Variants in FAM135B observed in about 807,000 individuals in gnomAD.
FAM135B encodes family with sequence similarity 135 member B.
A neutral mutation model predicts 127.7 loss-of-function variants in FAM135B; 43 were observed. The observed-to-expected ratio is 0.34, with a 90% CI of 0.26 to 0.43. The LOEUF (loss-of-function observed/expected upper bound fraction) is 0.43. FAM135B is among the 20% of genes least tolerant of loss of function. FAM135B has a pLI of 1.00. For missense variants in FAM135B, 1,558 were observed against 1,725.6 expected (o/e 0.90, Z 1.72); for synonymous variants, 670 against 665.1 (o/e 1.01, Z -0.11).
intron 3 of FAM135B, among the ~76,000 whole-genome samples, chr8:138,291,973 T>C (rs1397446694): frequency 1.3e-5 from 2 of 152,012 alleles, no homozygotes; most frequent in Non-Finnish European, 2.9e-5. Context: ...AAGGAAGAGG[T>C]AAAGTTGTTT....
At chr8:138,353,441 C>G (rs533466032) in intron 2 of FAM135B, among the ~76,000 whole-genome samples, 1 of 152,294 alleles carries the variant, frequency 6.6e-6, no homozygotes, top group South Asian at 2.1e-4. Context: ...CACCTTCTGG[C>G]TCTCACATTT....
At chr8:138,490,780 A>T (rs1289286178) in intron 1 of FAM135B, among the ~76,000 whole-genome samples, 3 of 152,328 alleles carry the variant, frequency 2.0e-5, no homozygotes, top group Middle Eastern at 3.4e-3. Context: ...TGAGAATATG[A>T]CTTAGAGAAT....
chr8:138,323,446 C>A (rs907861422), intron 2 of FAM135B, among the ~76,000 whole-genome samples: 1 of 152,184 alleles, frequency 6.6e-6, no homozygotes, highest in Non-Finnish European at 1.5e-5. Context: ...GACCCTTGGG[C>A]TGTTTGTCTC....
intron 6 of FAM135B, among the ~76,000 whole-genome samples, chr8:138,245,938 C>G (rs1821247161): frequency 6.6e-6 from 1 of 152,128 alleles, no homozygotes. Flanking sequence ...CAATGAAGTC[C>G]AAGCTGAGGT....
At chr8:138,245,400 T>C (rs1441618541) in intron 6 of FAM135B, among the ~76,000 whole-genome samples, 1 of 152,108 alleles carries the variant, frequency 6.6e-6, no homozygotes, top group African/African-American at 2.4e-5. Flanking sequence ...GAGAGGTAAT[T>C]GAATCATGGG....
At chr8:138,458,415 T>C in intron 1 of FAM135B, among the ~76,000 whole-genome samples, 1 of 152,204 alleles carries the variant, frequency 6.6e-6, no homozygotes, top group East Asian at 1.9e-4. Flanking sequence ...GGTGGGAAAC[T>C]TGGATACTCC....
At position 138,274,225 on chromosome 8, in the gene FAM135B, C is replaced by T. The variant is rs550554365; in HGVS notation, c.158-8383G>A. Among the ~76,000 whole-genome samples, 47 of 152,226 alleles carry T rather than the reference C, an allele frequency of 3.1e-4. 1 individual carries two copies. The South Asian group carries it at 6.2e-3, about 20-fold the overall frequency. ...GTTCTTTTCTATTTTCCTTAAGCAT[C>T]GGCCAGCTTGAGAAATAAAGGGACA... is the stretch of plus-strand genomic sequence containing the variant. On this transcript the variant is annotated intron_variant, in intron 3 of 19. Coordinates refer to ENST00000395297, the MANE Select transcript of FAM135B (RefSeq NM_015912.4).
intron 11 of FAM135B, 45 bp downstream of exon 11, chr8:138,177,302 G>T (rs2130963850): frequency 6.4e-7 from 1 of 1,569,750 alleles, no homozygotes. Flanking sequence ...GCATGTCTTG[G>T]GTGGCTGCTT....
At chr8:138,231,456 T>G (rs541903477) in intron 7 of FAM135B, among the ~76,000 whole-genome samples, 1 of 152,246 alleles carries the variant, frequency 6.6e-6, no homozygotes, top group Non-Finnish European at 1.5e-5. Flanking sequence ...CAGTGCAAAA[T>G]AAATGGCTTA....
At chr8:138,165,867 G>A (rs577892094) in intron 12 of FAM135B, among the ~76,000 whole-genome samples, 67 of 152,274 alleles carry the variant, frequency 4.4e-4, no homozygotes, top group Non-Finnish European at 5.4e-4. Flanking sequence ...GACACTAGAT[G>A]TCAGGGTATA....
intron 5 of FAM135B, among the ~76,000 whole-genome samples, chr8:138,254,400 G>A (rs1257966609): frequency 6.6e-6 from 1 of 152,178 alleles, no homozygotes. Context: ...GTTAGCAGCA[G>A]GGTTCTGTGA....
At chr8:138,406,606 C>T (rs201321521) in intron 1 of FAM135B, among the ~76,000 whole-genome samples, 2 of 152,020 alleles carry the variant, frequency 1.3e-5, no homozygotes, top group Middle Eastern at 3.4e-3. Flanking sequence ...TGGTTCAATA[C>T]ATGCAAATCA....
intron 1 of FAM135B, among the ~76,000 whole-genome samples, chr8:138,449,147 T>C (rs931690255): frequency 1.3e-5 from 2 of 152,172 alleles, no homozygotes; most frequent in Non-Finnish European, 2.9e-5. Flanking sequence ...GCACCAAGGA[T>C]ACAGGATGAA....
intron 3 of FAM135B, among the ~76,000 whole-genome samples, chr8:138,270,254 T>C (rs933230736): frequency 2.6e-5 from 4 of 152,190 alleles, no homozygotes; most frequent in African/African-American, 9.6e-5. Context: ...ATGACTTTTC[T>C]TAAGGTTGAA....
At chr8:138,257,031 T>C (rs1376205672) in intron 4 of FAM135B, among the ~76,000 whole-genome samples, 2 of 152,216 alleles carry the variant, frequency 1.3e-5, no homozygotes, top group African/African-American at 2.4e-5. Context: ...GTTTCCTTTT[T>C]GCAGGGCTTT....
chr8:138,393,699 G>A (rs551065249), intron 1 of FAM135B, among the ~76,000 whole-genome samples: 13 of 152,240 alleles, frequency 8.5e-5, no homozygotes, highest in African/African-American at 2.6e-4. Context: ...CTGCCCTCAC[G>A]GAGCCCATGC....
Position 138,375,799 on chromosome 8 carries a change from G to A in FAM135B, c.-19-7797C>T, listed in dbSNP as rs539519218. 3.3e-5 allele frequency among the ~76,000 whole-genome samples: 5 copies of A among 152,186 alleles called. No homozygotes were observed. The East Asian group carries it at 9.7e-4, about 29-fold the overall frequency. On this transcript the variant is annotated intron_variant, in intron 1 of 19. Transcript: ENST00000395297. ...CAAAACTAGGCAACATGGTAGGGAT[G>A]GGGGGAAGTCTTTCTTCTCTATTCC...
At chr8:138,156,161 T>C (rs4510910) in intron 12 of FAM135B, among the ~76,000 whole-genome samples, 28,961 of 152,058 alleles carry the variant, frequency 0.19, 2,768 homozygotes, top group East Asian at 0.24. Context: ...ACCGCTCAAC[T>C]ACATGGAAAC....
At chr8:138,438,481 T>A (rs565204240) in intron 1 of FAM135B, 1 of 152,230 alleles carries the variant, frequency 6.6e-6, no homozygotes, top group African/African-American at 2.4e-5. Context: ...ACTTCTGAGC[T>A]CTATCAAAGA....
Sources: gnomAD v4.1 joint callset for allele counts (sites outside exome capture counted in the v4.1 genomes callset) on GRCh38, gnomAD v4.1.1 for gene constraint, MANE v1.5 for transcripts, NCBI Gene and HGNC (gene_info 2026-07-23, HGNC 2026-07-21) for gene names.